Variants in LGSN observed in about 807,000 individuals in gnomAD.
LGSN encodes lengsin.
Under a neutral mutation model 19.5 loss-of-function variants are expected in LGSN, and 21 were observed. That is an observed-to-expected ratio of 1.07 (90% CI 0.76 to 1.55). The LOEUF is 1.55. Ranked by LOEUF, LGSN falls within the 40% of genes most tolerant of loss-of-function variation. The pLI, the probability that LGSN is intolerant of heterozygous loss-of-function variation, is 0.00. For synonymous variants in LGSN, 257 were observed against 215.6 expected, an observed-to-expected ratio of 1.19 and a Z score of -1.68; for missense variants, 673 against 608.5, an observed-to-expected ratio of 1.11 and a Z score of -1.12.
the LGSN span, among the ~76,000 whole-genome samples, chr6:63,347,685 T>A: frequency 3.3e-5 from 5 of 152,218 alleles, no homozygotes; most frequent in African/African-American, 4.8e-5. Context: ...ATAAGATAAC[T>A]GATGCCAAAG....
At chr6:63,359,518 A>T in the LGSN span, among the ~76,000 whole-genome samples, 76 of 152,252 alleles carry the variant, frequency 5.0e-4, 1 homozygote, top group African/African-American at 1.8e-3. Context: ...AGAGCCTGTT[A>T]TCGGTCTATT....
the LGSN span, among the ~76,000 whole-genome samples, chr6:63,497,859 T>C: frequency 0.53 from 79,924 of 150,498 alleles, 23,105 homozygotes; most frequent in African/African-American, 0.77. Context: ...TTCCCACATA[T>C]GAAGTTATCT....
chr6:63,490,125 T>C, the LGSN span, among the ~76,000 whole-genome samples: 1 of 152,360 alleles, frequency 6.6e-6, no homozygotes, highest in East Asian at 1.9e-4. Flanking sequence ...CAAACACATG[T>C]GCAAAAGATT....
chr6:63,323,879 C>T (rs756952996), upstream of LGSN, among the ~76,000 whole-genome samples: 2 of 150,878 alleles, frequency 1.3e-5, no homozygotes, highest in Non-Finnish European at 2.9e-5. Flanking sequence ...TCAAGCAATT[C>T]TCCTGCCTCA....
the LGSN span, among the ~76,000 whole-genome samples, chr6:63,430,201 T>A: frequency 2.1e-4 from 32 of 152,070 alleles, no homozygotes; most frequent in African/African-American, 6.5e-4. Flanking sequence ...CTGGGACTGG[T>A]TATGTCCTCC....
chr6:63,280,406 G>T lies in LGSN; in HGVS notation c.1145C>A (p.Thr382Lys), dbSNP rs1204039737. ...DRKDLKKSVP[T>K]TWGYNDNSCI... The stretch of plus-strand genomic sequence containing the variant: ...GCTGTTGTCATTGTATCCCCATGTT[G>T]TAGGCACACTCTTCTTCAGGTCTTT... Residue 382 changes from threonine (T) to lysine (K), a missense_variant, in exon 4 of 4, where the codon ACA (threonine) becomes AAA (lysine). Transcript: ENST00000370657. 1 of 1,614,114 alleles carries T rather than the reference G, an allele frequency of 6.2e-7. No individual in the cohort carries two copies. The highest frequency in any genetic ancestry group is 8.5e-7 in the Non-Finnish European group (1 of 1,180,038).
the LGSN span, among the ~76,000 whole-genome samples, chr6:63,375,082 T>C: frequency 1.3e-5 from 2 of 152,154 alleles, no homozygotes; most frequent in Admixed American, 1.3e-4. Flanking sequence ...ATGTCATTGT[T>C]GATTTTCCGG....
the LGSN span, among the ~76,000 whole-genome samples, chr6:63,478,415 T>C: frequency 6.6e-6 from 1 of 152,092 alleles, no homozygotes; most frequent in East Asian, 1.9e-4. Flanking sequence ...GTGATGAAAA[T>C]GTTCTGGTAA....
chr6:63,361,535 T>C, the LGSN span, among the ~76,000 whole-genome samples: 1 of 152,142 alleles, frequency 6.6e-6, no homozygotes, highest in Non-Finnish European at 1.5e-5. Flanking sequence ...AGTGACCCGA[T>C]TTTCCAGGTG....
chr6:63,393,203 T>C, the LGSN span, among the ~76,000 whole-genome samples: 1 of 151,296 alleles, frequency 6.6e-6, no homozygotes, highest in African/African-American at 2.4e-5. Context: ...AGTCTCACTC[T>C]GTCGCCCAGG....
the LGSN span, chr6:63,396,054 T>C: frequency 6.5e-6 from 1 of 153,928 alleles, no homozygotes; most frequent in Non-Finnish European, 1.4e-5. Flanking sequence ...GCTTGTAGCA[T>C]CCACAGATGA....
the LGSN span, among the ~76,000 whole-genome samples, chr6:63,562,104 A>G: frequency 6.6e-6 from 1 of 151,826 alleles, no homozygotes; most frequent in Admixed American, 6.6e-5. Flanking sequence ...TTACCTGTTA[A>G]CATTTTAGTT....
At chr6:63,408,717 A>C in the LGSN span, among the ~76,000 whole-genome samples, 1 of 151,402 alleles carries the variant, frequency 6.6e-6, no homozygotes, top group Non-Finnish European at 1.5e-5. Context: ...GCACAGCAAA[A>C]GAAACTACCA....
Position 63,280,431 on chromosome 6 carries a change from T to C in LGSN, c.1120A>G (p.Lys374Glu). The C allele has an allele frequency of 6.2e-7, 1 of 1,614,190 alleles. No individual in the cohort carries two copies. The highest frequency in any genetic ancestry group is 1.1e-5 in the South Asian group (1 of 91,086). The part of the protein sequence containing the change: ...SCRKRYSKDR[K>E]DLKKSVPTTW... ...GTAGGCACACTCTTCTTCAGGTCTT[T>C]CCTGTCCTTGGAATAACGCTTTCGG... The change falls in exon 4 of 4, where the codon AAA (lysine) becomes GAA (glutamate). Residue 374 changes from lysine to glutamate, a missense_variant. Lys to Glu is a moderately conservative substitution (Grantham distance 56, BLOSUM62 1). Transcript: ENST00000370657.
chr6:63,404,638 A>G, the LGSN span, among the ~76,000 whole-genome samples: 3 of 152,074 alleles, frequency 2.0e-5, no homozygotes, highest in Non-Finnish European at 2.9e-5. Flanking sequence ...GCTCTCTGGC[A>G]TCCCTTTTAT....
At chr6:63,397,464 A>C in the LGSN span, among the ~76,000 whole-genome samples, 1 of 152,084 alleles carries the variant, frequency 6.6e-6, no homozygotes, top group African/African-American at 2.4e-5. Context: ...AAAAAAAAAA[A>C]AACACATAAG....
chr6:63,572,323 G>C, the LGSN span: 4 of 247,354 alleles, frequency 1.6e-5, no homozygotes, highest in African/African-American at 6.7e-5. Context: ...TCATCAACCG[G>C]TTCACACCGG....
the LGSN span, among the ~76,000 whole-genome samples, chr6:63,377,275 A>G: frequency 2.6e-5 from 4 of 152,180 alleles, no homozygotes; most frequent in Admixed American, 2.6e-4. Context: ...ATAGGCAGAG[A>G]GCAACCCAGA....
intron 1 of LGSN, among the ~76,000 whole-genome samples, chr6:63,308,112 G>T (rs958953374): frequency 6.6e-6 from 1 of 152,198 alleles, no homozygotes; most frequent in African/African-American, 2.4e-5. Flanking sequence ...GTTTCATTTT[G>T]ATTGCATGGC....
Sources: gnomAD v4.1 joint callset for allele counts (sites outside exome capture counted in the v4.1 genomes callset) on GRCh38, gnomAD v4.1.1 for gene constraint, MANE v1.5 for transcripts, NCBI Gene and HGNC (gene_info 2026-07-23, HGNC 2026-07-21) for gene names.